Variants in UBE2G1 observed in about 807,000 individuals in gnomAD.
UBE2G1 encodes ubiquitin conjugating enzyme E2 G1, also known as ubiquitin-conjugating enzyme E2 G1.
A neutral mutation model predicts 22.7 loss-of-function variants in UBE2G1; 5 were observed. The observed-to-expected ratio is 0.22, with a 90% CI of 0.12 to 0.46. UBE2G1 has a LOEUF of 0.46. Ranked by LOEUF, UBE2G1 falls within the 20% of genes least tolerant of loss-of-function variation. UBE2G1 has a pLI of 0.99. For missense variants in UBE2G1, 88 were observed against 203.9 expected (o/e 0.43, Z 3.46); for synonymous variants, 74 against 67.5 (o/e 1.10, Z -0.47).
chr17:4,356,147 G>A (rs966246970), intron 1 of UBE2G1, among the ~76,000 whole-genome samples: 6 of 149,652 alleles, frequency 4.0e-5, no homozygotes, highest in African/African-American at 1.2e-4. Flanking sequence ...CCTGAGGTCA[G>A]GAGTTCGAGA....
intron 3 of UBE2G1, among the ~76,000 whole-genome samples, chr17:4,295,088 A>T (rs1410888946): frequency 1.3e-5 from 2 of 152,192 alleles, no homozygotes; most frequent in African/African-American, 4.8e-5. Flanking sequence ...GGTGAAGCCA[A>T]CATTCAGAAT....
intron 2 of UBE2G1, among the ~76,000 whole-genome samples, chr17:4,304,235 G>A (rs2143726452): frequency 6.6e-6 from 1 of 152,174 alleles, no homozygotes; most frequent in East Asian, 1.9e-4. Context: ...CTGAGCTCAA[G>A]CGATCCACCC....
intron 1 of UBE2G1, among the ~76,000 whole-genome samples, chr17:4,326,799 T>C (rs1431566140): frequency 6.6e-6 from 1 of 152,200 alleles, no homozygotes; most frequent in East Asian, 1.9e-4. Context: ...ATGAATGAAC[T>C]TGAAAATATT....
chr17:4,287,349 A>G (rs8182295), intron 4 of UBE2G1, among the ~76,000 whole-genome samples: 144,550 of 151,760 alleles, frequency 0.95, 69,274 homozygotes, highest in East Asian at 1. Context: ...TGATCTGCCC[A>G]CCTCGGCCTC....
chr17:4,365,629 G>T (rs1161311167), intron 1 of UBE2G1, among the ~76,000 whole-genome samples: 1 of 152,058 alleles, frequency 6.6e-6, no homozygotes, highest in Non-Finnish European at 1.5e-5. Context: ...CCAGCCGGGC[G>T]GCGCAGCCGG....
At chr17:4,321,216 A>C (rs933252796) in intron 1 of UBE2G1, among the ~76,000 whole-genome samples, 3 of 152,210 alleles carry the variant, frequency 2.0e-5, no homozygotes, top group Non-Finnish European at 4.4e-5. Context: ...TATATCTAGA[A>C]TATAAACTAT....
At chr17:4,307,786 C>A (rs1358446808) in intron 1 of UBE2G1, among the ~76,000 whole-genome samples, 3 of 152,096 alleles carry the variant, frequency 2.0e-5, no homozygotes, top group East Asian at 3.9e-4. Context: ...GCTGCAGCAT[C>A]GTGAGGTTCT....
At chr17:4,289,984 T>C (rs1302748402) in intron 3 of UBE2G1, among the ~76,000 whole-genome samples, 1 of 152,166 alleles carries the variant, frequency 6.6e-6, no homozygotes, top group Non-Finnish European at 1.5e-5. Flanking sequence ...CATCAACATA[T>C]ACGACACTCA....
chr17:4,339,745 A>AG (rs1969690230), intron 1 of UBE2G1, among the ~76,000 whole-genome samples: 1 of 151,970 alleles, frequency 6.6e-6, no homozygotes, highest in African/African-American at 2.4e-5. Flanking sequence ...GCTACTCGGG[A>AG]GGCTGAGGCC....
intron 1 of UBE2G1, among the ~76,000 whole-genome samples, chr17:4,357,521 T>TGGG (rs1306221886): frequency 6.9e-5 from 1 of 14,462 alleles, no homozygotes; most frequent in Non-Finnish European, 1.4e-4. Flanking sequence ...GGGGGGGGGG[T>TGGG]GGGTGTATAA....
chr17:4,307,428 T>C (rs1969260227), intron 1 of UBE2G1, among the ~76,000 whole-genome samples: 1 of 152,100 alleles, frequency 6.6e-6, no homozygotes, highest in African/African-American at 2.4e-5. Flanking sequence ...TCCAGGCCCG[T>C]CCCCCAGAGA....
Position 4,366,358 on chromosome 17 carries a change from G to A in UBE2G1, c.-42C>T. 2.3e-5 allele frequency: 35 copies of A among 1,511,762 alleles called. No individual in the cohort carries two copies. Among genetic ancestry groups the A allele is most frequent in the Non-Finnish European group, 3.1e-5 (35 of 1,139,536 alleles). 93.6% of individuals were successfully genotyped at this position (1,511,762 alleles called of 1,614,324 possible). A position where few individuals can be genotyped will look rare whatever the true frequency, so the allele number is the denominator to read the frequency against. On this transcript the variant is annotated 5_prime_UTR_variant, in exon 1 of 6. Transcript: ENST00000396981. ...CCGGGCTGGCGCCGGGGCTTCCGAA[G>A]GGCTGGGGACAGGCTCTGGGGGCGG...
intron 1 of UBE2G1, among the ~76,000 whole-genome samples, chr17:4,315,731 C>T (rs574144407): frequency 1.6e-4 from 23 of 148,168 alleles, no homozygotes; most frequent in Non-Finnish European, 2.8e-4. Context: ...AAGAGCGAGA[C>T]TCCATCTCAA....
At chr17:4,343,786 C>CT (rs752026858) in intron 1 of UBE2G1, among the ~76,000 whole-genome samples, 485 of 152,084 alleles carry the variant, frequency 3.2e-3, no homozygotes, top group Non-Finnish European at 5.9e-3. Context: ...CACAGGGTTT[C>CT]ACTTGTTTGC....
intron 5 of UBE2G1, among the ~76,000 whole-genome samples, chr17:4,279,528 G>A (rs1968858376): frequency 1.3e-5 from 2 of 152,004 alleles, no homozygotes; most frequent in South Asian, 4.1e-4. Flanking sequence ...ACAGATTTTT[G>A]GTGGTTAAAA....
intron 1 of UBE2G1, among the ~76,000 whole-genome samples, chr17:4,326,796 A>G (rs1969507714): frequency 6.6e-6 from 1 of 152,252 alleles, no homozygotes; most frequent in South Asian, 2.1e-4. Flanking sequence ...AACATGAATG[A>G]ACTTGAAAAT....
intron 1 of UBE2G1, 128 bp from the exon 2 acceptor site, chr17:4,307,251 G>A: frequency 2.6e-6 from 2 of 759,698 alleles, no homozygotes; most frequent in Non-Finnish European, 4.2e-6. Flanking sequence ...ACCTTGCCAG[G>A]CAAAATGCTA....
At chr17:4,359,463 AC>A (rs1461312314) in intron 1 of UBE2G1, among the ~76,000 whole-genome samples, 1 of 152,254 alleles carries the variant, frequency 6.6e-6, no homozygotes, top group Non-Finnish European at 1.5e-5. Context: ...CAAATCTAGA[AC>A]ATAACTTTAT....
intron 1 of UBE2G1, among the ~76,000 whole-genome samples, chr17:4,330,457 G>C (rs573155490): frequency 6.6e-6 from 1 of 152,156 alleles, no homozygotes; most frequent in Non-Finnish European, 1.5e-5. Flanking sequence ...TAAAATTTCA[G>C]CCAGTCGCGG....
Sources: allele counts gnomAD v4.1 joint callset (sites outside exome capture counted in the v4.1 genomes callset), GRCh38; gene constraint gnomAD v4.1.1; transcripts MANE v1.5; gene names NCBI Gene and HGNC (gene_info 2026-07-23, HGNC 2026-07-21).